DRC11: variants seen among roughly 807,000 people sequenced by gnomAD.
DRC11 encodes dynein regulatory complex subunit 11, also known as IQ and AAA domain-containing protein 1.
At chr2:236,503,041 G>A in the DRC11 span, among the ~76,000 whole-genome samples, 3 of 152,180 alleles carry the variant, frequency 2.0e-5, no homozygotes, top group Admixed American at 6.5e-5. This position sits in a 1 kb window ranked among gnomAD's most constrained non-coding sequence, Gnocchi z 4.9. Flanking sequence ...AGTAACAATA[G>A]ACTAAAGACT....
the DRC11 span, among the ~76,000 whole-genome samples, chr2:236,374,374 T>A: frequency 6.6e-6 from 1 of 152,064 alleles, no homozygotes; most frequent in African/African-American, 2.4e-5. Flanking sequence ...TGTGCCAGAT[T>A]TTGGTGGATA....
the DRC11 span, among the ~76,000 whole-genome samples, chr2:236,459,569 G>GTATACA: frequency 7.4e-6 from 1 of 135,002 alleles, no homozygotes; most frequent in Admixed American, 7.4e-5. Flanking sequence ...ACGTATATAT[G>GTATACA]TGTATACATA....
At chr2:236,383,477 C>A in the DRC11 span, among the ~76,000 whole-genome samples, 1 of 151,912 alleles carries the variant, frequency 6.6e-6, no homozygotes, top group East Asian at 1.9e-4. Flanking sequence ...CTGTCTTGTG[C>A]TAGCTTTGGG....
chr2:236,429,166 T>G, the DRC11 span, among the ~76,000 whole-genome samples: 1 of 151,968 alleles, frequency 6.6e-6, no homozygotes, highest in Non-Finnish European at 1.5e-5. The surrounding 1 kb of genome is among the most constrained non-coding windows in gnomAD (Gnocchi z 5.9). Flanking sequence ...AGGTACCAAG[T>G]GTTGGGGTAT....
chr2:236,464,578 A>G, the DRC11 span, among the ~76,000 whole-genome samples: 1 of 152,222 alleles, frequency 6.6e-6, no homozygotes, highest in South Asian at 2.1e-4. Flanking sequence ...TCATTTAAGA[A>G]CATTAAAGAA....
chr2:236,386,709 T>C, the DRC11 span, among the ~76,000 whole-genome samples: 6 of 149,966 alleles, frequency 4.0e-5, no homozygotes, highest in East Asian at 9.8e-4. Flanking sequence ...TGCTAGCTTT[T>C]GAATGTGTTT....
the DRC11 span, among the ~76,000 whole-genome samples, chr2:236,320,962 T>G: frequency 2.0e-5 from 3 of 152,056 alleles, no homozygotes; most frequent in African/African-American, 7.2e-5. Context: ...GACTTTGGGT[T>G]TTCAGCGTGG....
At chr2:236,491,174 TATATATAC>T in the DRC11 span, among the ~76,000 whole-genome samples, 204 of 61,992 alleles carry the variant, frequency 3.3e-3, 11 homozygotes, top group African/African-American at 0.012. Context: ...TATATATATA[TATATATAC>T]ACACAGTATA....
chr2:236,445,128 T>C, the DRC11 span, among the ~76,000 whole-genome samples: 1 of 152,206 alleles, frequency 6.6e-6, no homozygotes. This position sits in a 1 kb window ranked among gnomAD's most constrained non-coding sequence, Gnocchi z 4.8. Flanking sequence ...AGGAACCTCA[T>C]TGCATAATTT....
chr2:236,502,548 C>CAAAAAAAAAAAAAAAAAAA, the DRC11 span, among the ~76,000 whole-genome samples: 20 of 15,092 alleles, frequency 1.3e-3, 1 homozygote, highest in African/African-American at 2.1e-3. Flanking sequence ...TGCACTCCAG[C>CAAAAAAAAAAAAAAAAAAA]AAAAAAAAAA....
chr2:236,495,553 CTA>C, the DRC11 span, among the ~76,000 whole-genome samples: 3 of 152,140 alleles, frequency 2.0e-5, no homozygotes, highest in South Asian at 2.1e-4. The surrounding 1 kb of genome is among the most constrained non-coding windows in gnomAD (Gnocchi z 5.6). Context: ...ATATGTCTCT[CTA>C]TGAGGTGGGC....
chr2:236,481,835 A>G, the DRC11 span, among the ~76,000 whole-genome samples: 3 of 150,894 alleles, frequency 2.0e-5, no homozygotes, highest in African/African-American at 7.3e-5. Context: ...ATACTTTAGA[A>G]TTATACATAT....
chr2:236,503,093 C>T, the DRC11 span, among the ~76,000 whole-genome samples: 1 of 152,150 alleles, frequency 6.6e-6, no homozygotes, highest in African/African-American at 2.4e-5. This position sits in a 1 kb window ranked among gnomAD's most constrained non-coding sequence, Gnocchi z 4.9. Context: ...GGGAGTGGAA[C>T]AGACAGTAAA....
chr2:236,497,643 C>T, the DRC11 span, among the ~76,000 whole-genome samples: 2 of 152,160 alleles, frequency 1.3e-5, no homozygotes, highest in East Asian at 1.9e-4. This position sits in a 1 kb window ranked among gnomAD's most constrained non-coding sequence, Gnocchi z 5.1. Context: ...CAATTTATAT[C>T]CTGTTCTGAT....
chr2:236,498,488 G>A, the DRC11 span, among the ~76,000 whole-genome samples: 2 of 151,698 alleles, frequency 1.3e-5, no homozygotes, highest in Non-Finnish European at 2.9e-5. Context: ...AGTGAGGTGA[G>A]GTGCAGACTG....
At chr2:236,336,162 T>C in the DRC11 span, among the ~76,000 whole-genome samples, 2 of 152,078 alleles carry the variant, frequency 1.3e-5, no homozygotes, top group Non-Finnish European at 2.9e-5. This position sits in a 1 kb window ranked among gnomAD's most constrained non-coding sequence, Gnocchi z 7.3. Flanking sequence ...ATAACACTGA[T>C]TTAGAAAGCC....
chr2:236,455,483 G>A, the DRC11 span, among the ~76,000 whole-genome samples: 4 of 152,194 alleles, frequency 2.6e-5, no homozygotes, highest in East Asian at 1.9e-4. This position sits in a 1 kb window ranked among gnomAD's most constrained non-coding sequence, Gnocchi z 5.7. Flanking sequence ...CTGAGAGCTC[G>A]GAGATACTAG....
At chr2:236,336,972 CAT>C in the DRC11 span, among the ~76,000 whole-genome samples, 24 of 152,328 alleles carry the variant, frequency 1.6e-4, no homozygotes, top group East Asian at 4.1e-3. The surrounding 1 kb of genome is among the most constrained non-coding windows in gnomAD (Gnocchi z 7.3). Flanking sequence ...CTTCTTGAAA[CAT>C]GTGCTCATGA....
chr2:236,416,751 A>T, the DRC11 span, among the ~76,000 whole-genome samples: 259 of 59,618 alleles, frequency 4.3e-3, no homozygotes, highest in Middle Eastern at 0.019. Context: ...ATATATATAT[A>T]TATATATATA....
Sources: gnomAD v4.1 joint callset for allele counts (sites outside exome capture counted in the v4.1 genomes callset) on GRCh38, gnomAD v4.1.1 for gene constraint, Gnocchi (gnomAD v3.1) non-coding constraint, MANE v1.5 for transcripts, NCBI Gene and HGNC (gene_info 2026-07-23, HGNC 2026-07-21) for gene names.